The following CEP112 variants were observed in gnomAD, a reference collection of about 807,000 sequenced individuals.
CEP112 encodes centrosomal protein 112.
Under a neutral mutation model 153.0 loss-of-function variants are expected in CEP112, and 127 were observed. The ratio of observed to expected loss-of-function variants is 0.83; its 90% confidence interval spans 0.72 to 0.96. The LOEUF (loss-of-function observed/expected upper bound fraction) is 0.96. CEP112 is among the 40% of genes least tolerant of loss of function. CEP112 has a pLI of 0.00. For missense variants in CEP112, 1,089 were observed against 1,101.2 expected (o/e 0.99, Z 0.16); for synonymous variants, 358 against 374.4 (o/e 0.96, Z 0.51).
chr17:66,186,840 A>T (rs2072955379), intron 1 of CEP112, among the ~76,000 whole-genome samples: 1 of 152,118 alleles, frequency 6.6e-6, no homozygotes, highest in Non-Finnish European at 1.5e-5. Flanking sequence ...AGCTTCTCCT[A>T]ACTCTCAATT....
intron 6 of CEP112, among the ~76,000 whole-genome samples, chr17:66,108,969 T>C (rs2068900424): frequency 6.6e-6 from 1 of 152,202 alleles, no homozygotes; most frequent in South Asian, 2.1e-4. Context: ...TGCAAAAACC[T>C]GGATGGAACT....
rs112914905 is a variant in CEP112, at chr17:65,792,170, T to C, written c.2395-41446A>G. ...ACTTTGATCTTTATTCCCAAACTTA[T>C]TGCTCCATGTAATCCATGACAAAAT... On this transcript the variant is annotated intron_variant, in intron 21 of 26. Coordinates refer to ENST00000535342, the MANE Select transcript of CEP112 (RefSeq NM_001199165.4). Among the ~76,000 whole-genome samples the C allele has an allele frequency of 7.4e-3, 1,123 of 152,346 alleles. 14 individuals carry two copies. Among genetic ancestry groups the C allele is most frequent in the Non-Finnish European group, 0.013 (865 of 68,028 alleles).
rs577802393 is a variant in CEP112 at position 66,128,257 on chromosome 17, A to T, written c.642+1489T>A. ...GGCAGAGGTTGCAGTGAGCCACAAT[A>T]GCACCACTGCACTCCAGCCTGTGCG... On this transcript the variant is annotated intron_variant, in intron 6 of 26. Transcript: ENST00000535342. Among the ~76,000 whole-genome samples, 375 of 141,574 alleles carry T rather than the reference A, an allele frequency of 2.6e-3. 2 individuals are homozygous for T. Among genetic ancestry groups the T allele is most frequent in the Non-Finnish European group, 4.3e-3 (287 of 66,310 alleles). The allele number at this position is 141,574 out of a possible 152,430, so 92.9% of individuals were successfully genotyped here. A position where few individuals can be genotyped will look rare whatever the true frequency, so the allele number is the denominator to read the frequency against.
chr17:66,096,350 T>C (rs190930882), intron 7 of CEP112, 22 bp from the exon 8 acceptor site: 12 of 1,603,702 alleles, frequency 7.5e-6, no homozygotes, highest in Admixed American at 3.4e-5. Context: ...ACAGGAGTTA[T>C]TTAACATGTT....
At chr17:65,832,179 C>T (rs1036280719) in intron 21 of CEP112, among the ~76,000 whole-genome samples, 3 of 152,050 alleles carry the variant, frequency 2.0e-5, no homozygotes, top group African/African-American at 4.8e-5. Flanking sequence ...ATCTCTGGGA[C>T]ATAGCTAAGG....
At chr17:66,032,772 A>G (rs1195286160) in intron 12 of CEP112, among the ~76,000 whole-genome samples, 1 of 152,242 alleles carries the variant, frequency 6.6e-6, no homozygotes, top group Non-Finnish European at 1.5e-5. Flanking sequence ...TGCCCCATAT[A>G]TTGAAATTGT....
chr17:66,162,155 A>G (rs2071739826), intron 4 of CEP112, among the ~76,000 whole-genome samples: 1 of 152,168 alleles, frequency 6.6e-6, no homozygotes, highest in Non-Finnish European at 1.5e-5. Flanking sequence ...CATTTTTTCC[A>G]TACTTAAAAA....
At chr17:66,074,894 A>AAAAAC (rs2067435455) in intron 8 of CEP112, among the ~76,000 whole-genome samples, 1 of 151,362 alleles carries the variant, frequency 6.6e-6, no homozygotes, top group African/African-American at 2.4e-5. Context: ...AAAAAGAAAA[A>AAAAAC]TCTTAAAAGC....
intron 24 of CEP112, among the ~76,000 whole-genome samples, chr17:65,672,825 T>C (rs2047051150): frequency 6.6e-6 from 1 of 152,244 alleles, no homozygotes; most frequent in African/African-American, 2.4e-5. Context: ...AAAAATTTGA[T>C]TTTTGAAAAT....
chr17:65,841,604 T>C (rs1170177678), intron 21 of CEP112, among the ~76,000 whole-genome samples: 1 of 151,972 alleles, frequency 6.6e-6, no homozygotes, highest in African/African-American at 2.4e-5. Flanking sequence ...GTGACTATAG[T>C]TAATAATTTA....
At chr17:66,102,311 T>C (rs1568491531) in intron 6 of CEP112, among the ~76,000 whole-genome samples, 1 of 152,112 alleles carries the variant, frequency 6.6e-6, no homozygotes, top group Admixed American at 6.6e-5. Context: ...CATAAAGTAA[T>C]AAATAGGCCA....
At chr17:66,041,493 C>T (rs1248761422) in intron 12 of CEP112, among the ~76,000 whole-genome samples, 1 of 152,050 alleles carries the variant, frequency 6.6e-6, no homozygotes, top group Admixed American at 6.6e-5. Context: ...TAAATAAGGA[C>T]TTACTGTATA....
At chr17:65,642,682 G>A (rs2045208821) in intron 24 of CEP112, among the ~76,000 whole-genome samples, 1 of 152,138 alleles carries the variant, frequency 6.6e-6, no homozygotes, top group Non-Finnish European at 1.5e-5. Flanking sequence ...TTACCTCCAA[G>A]TGAGCCAGTT....
chr17:65,826,113 A>G (rs773079877), intron 21 of CEP112: 1 of 1,606,192 alleles, frequency 6.2e-7, no homozygotes. Flanking sequence ...CTATGTCAGG[A>G]GGACAGAGGT....
intron 18 of CEP112, among the ~76,000 whole-genome samples, chr17:65,938,049 G>T (rs1248418879): frequency 1.7e-5 from 2 of 117,236 alleles, no homozygotes; most frequent in Admixed American, 1.1e-4. Context: ...AGACATGGGA[G>T]ACTTTTCATT....
At chr17:65,889,584 G>A (rs1235148500) in intron 20 of CEP112, among the ~76,000 whole-genome samples, 3 of 151,806 alleles carry the variant, frequency 2.0e-5, no homozygotes, top group Non-Finnish European at 4.4e-5. Flanking sequence ...TAAGCAGTGT[G>A]TCTCTTCTTC....
chr17:66,065,265 T>C (rs1462358239), intron 10 of CEP112, among the ~76,000 whole-genome samples: 3 of 152,300 alleles, frequency 2.0e-5, no homozygotes, highest in South Asian at 2.1e-4. Flanking sequence ...ACTTTATATA[T>C]TATTTATTCT....
chr17:66,014,634 G>C (rs1043267359), intron 16 of CEP112, among the ~76,000 whole-genome samples: 2 of 152,102 alleles, frequency 1.3e-5, no homozygotes, highest in African/African-American at 2.4e-5. Context: ...TCTGCTGCCA[G>C]GATTCCAGAG....
chr17:66,161,210 T>C (rs1490916392), intron 4 of CEP112, among the ~76,000 whole-genome samples: 2 of 152,090 alleles, frequency 1.3e-5, no homozygotes, highest in Non-Finnish European at 1.5e-5. Context: ...TGTGAAGAAA[T>C]AGGAATGCTT....
Sources: allele counts gnomAD v4.1 joint callset (sites outside exome capture counted in the v4.1 genomes callset), GRCh38; gene constraint gnomAD v4.1.1; transcripts MANE v1.5; gene names NCBI Gene and HGNC (gene_info 2026-07-23, HGNC 2026-07-21).